Variants in GRIN2B observed in about 807,000 individuals in gnomAD.
The protein encoded by GRIN2B is glutamate receptor ionotropic, NMDA 2B.
In GRIN2B, 5 loss-of-function variants were observed where a neutral mutation model predicts 114.5. The ratio of observed to expected loss-of-function variants is 0.04; its 90% CI spans 0.02 to 0.09. The LOEUF is 0.09. Among genes scored for constraint, GRIN2B ranks in the 10% least tolerant of loss-of-function variants. The pLI, the probability that GRIN2B is intolerant of heterozygous loss-of-function variation, is 1.00. For missense variants in GRIN2B, 1,108 were observed against 1,943.5 expected (o/e 0.57, Z 8.08); for synonymous variants, 787 against 745.1 (o/e 1.06, Z -0.92).
intron 3 of GRIN2B, among the ~76,000 whole-genome samples, chr12:13,802,391 A>G (rs1359566950): frequency 2.6e-5 from 4 of 152,146 alleles, no homozygotes; most frequent in Non-Finnish European, 4.4e-5. Context: ...AAATTAATGG[A>G]GAGTAATTTG....
chr12:13,804,744 T>C (rs1158488125), intron 3 of GRIN2B, among the ~76,000 whole-genome samples: 1 of 152,190 alleles, frequency 6.6e-6, no homozygotes, highest in Non-Finnish European at 1.5e-5. Context: ...TCTCCTCCAA[T>C]ACATTCTAAA....
In GRIN2B at chr12:13,615,821, C is replaced by G. The variant is rs938003447; in HGVS notation, c.1329-157G>C. The stretch of plus-strand genomic sequence containing the variant: ...ACTAGACTCGAGTGAAGAAATAAAG[C>G]AGGCAACAGACCTGCAATATTCTCA... On this transcript the variant is annotated intron_variant, in intron 6 of 13. Coordinates refer to ENST00000609686, the MANE Select transcript of GRIN2B (RefSeq NM_000834.5). The surrounding 1 kb of genome is among the most constrained non-coding windows in gnomAD (Gnocchi z 5.8). Among the ~76,000 whole-genome samples, 1 of 152,184 alleles carries G rather than the reference C, an allele frequency of 6.6e-6. No individual in the cohort carries two copies. Among genetic ancestry groups the G allele is most frequent in the Non-Finnish European group, 1.5e-5 (1 of 68,026 alleles).
At chr12:13,743,743 T>A (rs539964039) in intron 4 of GRIN2B, among the ~76,000 whole-genome samples, 1 of 152,302 alleles carries the variant, frequency 6.6e-6, no homozygotes, top group Admixed American at 6.5e-5. Context: ...TTTGTTATAA[T>A]GATTTAGTGA....
chr12:13,813,810 A>G (rs1439112981), intron 3 of GRIN2B, among the ~76,000 whole-genome samples: 1 of 152,212 alleles, frequency 6.6e-6, no homozygotes. Flanking sequence ...GGTGTGTCCA[A>G]TCTCACAAAA....
intron 2 of GRIN2B, among the ~76,000 whole-genome samples, chr12:13,893,088 C>T (rs988438030): frequency 6.6e-6 from 1 of 152,110 alleles, no homozygotes; most frequent in Non-Finnish European, 1.5e-5. Context: ...ACTTGCTTAG[C>T]ATTGATCAAT....
In GRIN2B at chr12:13,788,526, A is replaced by G. The variant is rs1222734177; in HGVS notation, c.412-34611T>C. On this transcript the variant is annotated intron_variant, in intron 3 of 13. Transcript: ENST00000609686. The stretch of plus-strand genomic sequence containing the variant: ...AGAGAGCCTTGGAAGTCAGCCACCC[A>G]ACCTCGTTTTAAAAATGAGGTTACC... Among the ~76,000 whole-genome samples, 3 of 152,188 alleles carry G rather than the reference A, an allele frequency of 2.0e-5. No homozygotes were observed. In the East Asian group the frequency reaches 5.8e-4, roughly 29 times the overall value.
At chr12:13,756,821 GTTAA>G (rs1237466672) in intron 3 of GRIN2B, among the ~76,000 whole-genome samples, 1 of 152,204 alleles carries the variant, frequency 6.6e-6, no homozygotes, top group Non-Finnish European at 1.5e-5. Flanking sequence ...AATGGGCTTT[GTTAA>G]TTAGATTGAA....
intron 10 of GRIN2B, among the ~76,000 whole-genome samples, chr12:13,605,566 C>CTG (rs1355303492): frequency 1.8e-4 from 27 of 150,384 alleles, no homozygotes; most frequent in Non-Finnish European, 3.4e-4. Context: ...CACACACACA[C>CTG]ACACACACAC....
intron 2 of GRIN2B, among the ~76,000 whole-genome samples, chr12:13,883,102 T>G (rs1476263327): frequency 6.6e-6 from 1 of 152,232 alleles, no homozygotes; most frequent in Non-Finnish European, 1.5e-5. Context: ...TCCTTTTTAT[T>G]GCTGAGTAAT....
intron 3 of GRIN2B, among the ~76,000 whole-genome samples, 174 bp downstream of exon 3, chr12:13,865,624 C>T (rs1033673403): frequency 7.9e-5 from 12 of 151,984 alleles, no homozygotes; most frequent in African/African-American, 2.7e-4. Context: ...AAGAGCAAAA[C>T]TCTGTCTCAA....
At chr12:13,661,583 G>C (rs1023282699) in intron 5 of GRIN2B, among the ~76,000 whole-genome samples, 8 of 152,126 alleles carry the variant, frequency 5.3e-5, no homozygotes, top group Non-Finnish European at 1.5e-5. Context: ...CATTTCTAAG[G>C]TATCCATTTT....
intron 5 of GRIN2B, among the ~76,000 whole-genome samples, chr12:13,660,112 G>T (rs1045180029): frequency 1.3e-5 from 2 of 152,160 alleles, no homozygotes; most frequent in Non-Finnish European, 2.9e-5. Context: ...AAGAGAGAGG[G>T]CCCCAATACA....
In GRIN2B at chr12:13,808,747, AAAAAAATAT is replaced by A. The variant is rs1433608101; in HGVS notation, c.412-54841_412-54833del. 6.2e-3 allele frequency among the ~76,000 whole-genome samples: 685 copies of A among 110,258 alleles called. 16 individuals carry two copies. The highest frequency in any genetic ancestry group is 0.017 in the South Asian group (58 of 3,496). 72.3% of individuals were successfully genotyped at this position (110,258 alleles called of 152,430 possible). ...ACCCTAGAACTTAAAGTATAATAAA[AAAAAAATAT>A]ATATATATATATATACATATAAAAT... On this transcript the variant is annotated intron_variant, in intron 3 of 13. Transcript: ENST00000609686.
chr12:13,933,830 C>G (rs1363067972), intron 2 of GRIN2B, among the ~76,000 whole-genome samples: 1 of 152,158 alleles, frequency 6.6e-6, no homozygotes, highest in Non-Finnish European at 1.5e-5. Context: ...GGGATGGGGA[C>G]AGGTCTAAGC....
In GRIN2B at chr12:13,562,618, G is replaced by A. The variant is rs200153985; in HGVS notation, c.*165C>T. On this transcript the variant is annotated 3_prime_UTR_variant, in exon 14 of 14. Transcript: ENST00000609686. ...GAGGAGAGATGGTGCTGGTCACCAGGGTTGCCCCCAGTAGGAACCAGAACT... is the reference window on the plus strand; with the variant it reads ...GAGGAGAGATGGTGCTGGTCACCAGAGTTGCCCCCAGTAGGAACCAGAACT... 3.5e-5 allele frequency: 23 copies of A among 662,094 alleles called. No individual in the cohort carries two copies. In the East Asian group the frequency reaches 5.7e-4, roughly 17 times the overall value. 41.0% of individuals were successfully genotyped at this position (662,094 alleles called of 1,614,324 possible).
At chr12:13,936,943 T>C (rs1429160121) in intron 2 of GRIN2B, among the ~76,000 whole-genome samples, 2 of 152,008 alleles carry the variant, frequency 1.3e-5, no homozygotes, top group Admixed American at 6.6e-5. Context: ...AAATTGGAGA[T>C]GGCAGAGAGT....
chr12:13,579,550 A>G (rs961444179), intron 10 of GRIN2B, among the ~76,000 whole-genome samples: 2 of 152,202 alleles, frequency 1.3e-5, no homozygotes, highest in Non-Finnish European at 2.9e-5. Flanking sequence ...TATGTTAGCT[A>G]TTGTTACTAT....
At position 13,558,836 on chromosome 12, in the gene GRIN2B, CAA is replaced by C. The variant is rs1241279676; in HGVS notation, c.*3945_*3946del. 6.6e-6 allele frequency: 1 copy of C among 152,192 alleles called. No homozygotes were observed. Among genetic ancestry groups the C allele is most frequent in the African/African-American group, 2.4e-5 (1 of 41,448 alleles). The allele number at this position is 152,192 out of a possible 1,614,324, so 9.4% of individuals were successfully genotyped here. A position where few individuals can be genotyped will look rare whatever the true frequency, so the allele number is the denominator to read the frequency against. ...TACATGCATCACTTTGAAGGGTGTG[CAA>C]AGTCTCGACTCAGGCAAATTCAAGG... On this transcript the variant is annotated 3_prime_UTR_variant, in exon 14 of 14. Coordinates refer to ENST00000609686, the MANE Select transcript of GRIN2B (RefSeq NM_000834.5).
At chr12:13,786,538 T>C (rs1012307022) in intron 3 of GRIN2B, among the ~76,000 whole-genome samples, 5 of 152,292 alleles carry the variant, frequency 3.3e-5, no homozygotes, top group Non-Finnish European at 7.4e-5. Flanking sequence ...TCCTGAGTCC[T>C]GGCGGACACA....
Sources: allele counts gnomAD v4.1 joint callset (sites outside exome capture counted in the v4.1 genomes callset), GRCh38; gene constraint gnomAD v4.1.1; non-coding constraint Gnocchi (gnomAD v3.1); transcripts MANE v1.5; gene names NCBI Gene and HGNC (gene_info 2026-07-23, HGNC 2026-07-21).